DRC4: variants seen among roughly 807,000 people sequenced by gnomAD.
DRC4 encodes dynein regulatory complex subunit 4, also known as GAS-11.
chr16:90,022,723 T>A, the DRC4 span: 1 of 1,418,098 alleles, frequency 7.1e-7, no homozygotes, highest in East Asian at 3.0e-5. Flanking sequence ...GCTGGCGTCA[T>A]GGTGAGCAGG....
At chr16:90,037,796 A>T in the DRC4 span, 1 of 1,614,184 alleles carries the variant, frequency 6.2e-7, no homozygotes, top group Non-Finnish European at 8.5e-7. Flanking sequence ...AGGGAGAAAG[A>T]GCTGAAAGAC....
At chr16:90,029,343 C>G in the DRC4 span, 2 of 1,351,924 alleles carry the variant, frequency 1.5e-6, no homozygotes, top group Non-Finnish European at 2.0e-6. Flanking sequence ...ACAGTTTCAT[C>G]TGTTCACTGG....
the DRC4 span, among the ~76,000 whole-genome samples, chr16:90,023,926 A>C: frequency 2.2e-5 from 3 of 134,036 alleles, no homozygotes; most frequent in Non-Finnish European, 5.2e-5. Context: ...TGGGAGGCGG[A>C]GGTTGCAGCG....
At chr16:90,026,231 C>G in the DRC4 span, among the ~76,000 whole-genome samples, 11 of 152,150 alleles carry the variant, frequency 7.2e-5, no homozygotes, top group African/African-American at 2.4e-4. Context: ...CTTGAGTGCC[C>G]TGTAAATGGG....
the DRC4 span, chr16:90,042,551 G>C: frequency 8.7e-6 from 14 of 1,609,694 alleles, no homozygotes; most frequent in African/African-American, 1.3e-5. Flanking sequence ...GCTGTGCCCT[G>C]CCCTCCCTCA....
At chr16:90,022,492 A>G in the DRC4 span, 1 of 455,476 alleles carries the variant, frequency 2.2e-6, no homozygotes, top group Non-Finnish European at 3.9e-6. Flanking sequence ...CCTGCAGCGA[A>G]AGGCTTCTGG....
the DRC4 span, chr16:90,033,034 A>C: frequency 4.7e-6 from 5 of 1,072,636 alleles, no homozygotes; most frequent in African/African-American, 4.8e-5. Context: ...ATTTCTGCAT[A>C]AGACTTTCTG....
the DRC4 span, chr16:90,042,402 C>G: frequency 7.3e-7 from 1 of 1,363,972 alleles, no homozygotes; most frequent in East Asian, 2.3e-5. Context: ...CCACTGGAGT[C>G]CCCAGGCCGC....
At chr16:90,036,579 CCCT>C in the DRC4 span, 1 of 1,575,958 alleles carries the variant, frequency 6.3e-7, no homozygotes, top group Admixed American at 1.9e-5. Flanking sequence ...CTCATCAACT[CCCT>C]CAAGGTGCTG....
chr16:90,042,546 G>A, the DRC4 span: 5 of 1,611,990 alleles, frequency 3.1e-6, no homozygotes, highest in African/African-American at 4.0e-5. Context: ...GTACGGCTGT[G>A]CCCTGCCCTC....
At chr16:90,040,378 A>G in the DRC4 span, 1 of 1,611,008 alleles carries the variant, frequency 6.2e-7, no homozygotes, top group Non-Finnish European at 8.5e-7. Flanking sequence ...AGGGTTCAAG[A>G]ACCTCGTGCT....
At chr16:90,036,456 A>G in the DRC4 span, 6 of 1,614,098 alleles carry the variant, frequency 3.7e-6, no homozygotes, top group Non-Finnish European at 4.2e-6. Context: ...ACTGAGCTCC[A>G]CGAAGTGGAG....
chr16:90,028,207 C>T, the DRC4 span, among the ~76,000 whole-genome samples: 12 of 45,080 alleles, frequency 2.7e-4, no homozygotes, highest in Admixed American at 3.2e-3. Flanking sequence ...TTTTTTGAGA[C>T]GGAGTCTCAC....
chr16:90,042,772 C>T, the DRC4 span: 1 of 553,002 alleles, frequency 1.8e-6, no homozygotes, highest in Non-Finnish European at 3.3e-6. Flanking sequence ...TAGGGGGGGA[C>T]CTGGACGCTT....
the DRC4 span, chr16:90,032,941 C>T: frequency 4.4e-6 from 7 of 1,604,364 alleles, no homozygotes; most frequent in Middle Eastern, 3.4e-4. Context: ...GTGGCGGGGG[C>T]ACCTGGAGGC....
the DRC4 span, among the ~76,000 whole-genome samples, chr16:90,026,104 GA>G: frequency 6.6e-6 from 1 of 152,102 alleles, no homozygotes; most frequent in African/African-American, 2.4e-5. Flanking sequence ...TTGGGCGACA[GA>G]GCAAGACTTT....
the DRC4 span, among the ~76,000 whole-genome samples, chr16:90,033,892 G>A: frequency 6.6e-5 from 10 of 151,482 alleles, no homozygotes; most frequent in African/African-American, 2.2e-4. Flanking sequence ...GCAGTTGACC[G>A]GCTGGGAGAC....
chr16:90,027,833 C>A, the DRC4 span: 1 of 957,372 alleles, frequency 1.0e-6, no homozygotes, highest in Admixed American at 2.1e-5. Context: ...TCTGTCCAAG[C>A]CAGAACACGC....
At chr16:90,023,981 TAAA>T in the DRC4 span, among the ~76,000 whole-genome samples, 13 of 129,254 alleles carry the variant, frequency 1.0e-4, no homozygotes, top group Non-Finnish European at 1.1e-4. Flanking sequence ...ACACGTCTCT[TAAA>T]AAAAAAAAAA....
Sources: gnomAD v4.1 joint callset for allele counts (sites outside exome capture counted in the v4.1 genomes callset) on GRCh38, gnomAD v4.1.1 for gene constraint, MANE v1.5 for transcripts, NCBI Gene and HGNC (gene_info 2026-07-23, HGNC 2026-07-21) for gene names.